PRKCA: variants seen among roughly 807,000 people sequenced by gnomAD.
The protein encoded by PRKCA is protein kinase C alpha.
Under a neutral mutation model 87.0 loss-of-function variants are expected in PRKCA, and 27 were observed. The ratio of observed to expected loss-of-function variants is 0.31; its 90% CI spans 0.23 to 0.43. PRKCA has a LOEUF of 0.43. PRKCA is among the 20% of genes least tolerant of loss of function. The pLI is 1.00. For missense variants in PRKCA, 518 were observed against 852.3 expected, an observed-to-expected ratio of 0.61 and a Z score of 4.88; for synonymous variants, 329 against 311.1, an observed-to-expected ratio of 1.06 and a Z score of -0.61.
intron 11 of PRKCA, 55 bp from the exon 12 acceptor site, chr17:66,741,604 T>C (rs1974160221): frequency 6.4e-7 from 1 of 1,554,696 alleles, no homozygotes; most frequent in South Asian, 1.1e-5. Flanking sequence ...GAATGTAAAG[T>C]ATACAGGCAT....
In PRKCA at chr17:66,366,872, G is replaced by A. The variant is rs144187842; in HGVS notation, c.205+60745G>A. ...TTCCAAAATCAGTCTTTTAAAAAAA[G>A]CACTTCATAGTGAGCAAATTTTAAA... On this transcript the variant is annotated intron_variant, in intron 2 of 16. Transcript: ENST00000413366. 4.3e-3 allele frequency among the ~76,000 whole-genome samples: 659 copies of A among 152,266 alleles called. 4 individuals are homozygous for A. Among genetic ancestry groups the A allele is most frequent in the African/African-American group, 0.015 (622 of 41,558 alleles).
chr17:66,325,530 AT>A (rs1321721630), intron 2 of PRKCA, among the ~76,000 whole-genome samples: 2 of 152,196 alleles, frequency 1.3e-5, no homozygotes, highest in African/African-American at 4.8e-5. Context: ...AGGAACCATA[AT>A]TAAGGGTGAA....
At chr17:66,593,210 A>C (rs1397737377) in intron 3 of PRKCA, among the ~76,000 whole-genome samples, 1 of 152,246 alleles carries the variant, frequency 6.6e-6, no homozygotes, top group Non-Finnish European at 1.5e-5. Flanking sequence ...GGCTAAGGAA[A>C]GAGAGAAGTC....
chr17:66,587,425 A>G (rs1969629182), intron 3 of PRKCA, among the ~76,000 whole-genome samples: 1 of 152,046 alleles, frequency 6.6e-6, no homozygotes. Flanking sequence ...TTTCTGTCCA[A>G]CCTGATAGAT....
chr17:66,656,494 C>T (rs971734570), intron 5 of PRKCA, among the ~76,000 whole-genome samples: 1 of 150,770 alleles, frequency 6.6e-6, no homozygotes, highest in African/African-American at 2.4e-5. Context: ...CATTTAAGCA[C>T]AAGATTAATT....
intron 2 of PRKCA, among the ~76,000 whole-genome samples, chr17:66,410,276 T>TATG (rs1250196633): frequency 6.6e-6 from 1 of 152,118 alleles, no homozygotes; most frequent in East Asian, 1.9e-4. Flanking sequence ...TTCCTATTTA[T>TATG]ATGAGGAATA....
At chr17:66,787,501 C>T (rs941562011) in intron 15 of PRKCA, among the ~76,000 whole-genome samples, 2 of 152,184 alleles carry the variant, frequency 1.3e-5, no homozygotes, top group African/African-American at 4.8e-5. Flanking sequence ...AAAGTATGTG[C>T]TCTCGTCTCC....
intron 3 of PRKCA, among the ~76,000 whole-genome samples, chr17:66,604,870 G>A (rs368300940): frequency 2.0e-5 from 3 of 152,018 alleles, no homozygotes; most frequent in East Asian, 3.9e-4. Flanking sequence ...TGGACTTGGG[G>A]GTGCGTTGCC....
At chr17:66,658,229 C>G (rs1001800169) in intron 5 of PRKCA, among the ~76,000 whole-genome samples, 2 of 152,246 alleles carry the variant, frequency 1.3e-5, no homozygotes, top group East Asian at 3.9e-4. Context: ...CCTGTAATCC[C>G]AGCACTTTGG....
chr17:66,508,523 C>T (rs1013251825), intron 3 of PRKCA, among the ~76,000 whole-genome samples: 2 of 152,188 alleles, frequency 1.3e-5, no homozygotes, highest in Admixed American at 1.3e-4. Context: ...CTTGCCTATT[C>T]TCCGTGCATC....
Position 66,461,310 on chromosome 17 carries a change from G to A in PRKCA, c.206-34891G>A, listed in dbSNP as rs188421820. On this transcript the variant is annotated intron_variant, in intron 2 of 16. Coordinates refer to ENST00000413366, the MANE Select transcript of PRKCA (RefSeq NM_002737.3). ...CAAGTTGCTAACATGTTATCTGTATGTAAAAAAACCTGTTCTTCTAACCAG... is the reference window on the plus strand; with the variant it reads ...CAAGTTGCTAACATGTTATCTGTATATAAAAAAACCTGTTCTTCTAACCAG... Among the ~76,000 whole-genome samples the A allele has an allele frequency of 2.5e-3, 377 of 151,650 alleles. 1 individual carries two copies. The highest frequency in any genetic ancestry group is 3.9e-3 in the Non-Finnish European group (266 of 67,944).
intron 2 of PRKCA, among the ~76,000 whole-genome samples, chr17:66,331,543 T>C (rs931047981): frequency 5.3e-5 from 8 of 152,308 alleles, no homozygotes; most frequent in Admixed American, 1.3e-4. Context: ...ACCGGGACTC[T>C]CCTCTGCACA....
chr17:66,544,976 C>T (rs1033658774), intron 3 of PRKCA, among the ~76,000 whole-genome samples: 1 of 152,190 alleles, frequency 6.6e-6, no homozygotes, highest in African/African-American at 2.4e-5. Flanking sequence ...TTTTACAGAT[C>T]ACGAAATGAT....
At chr17:66,713,274 A>AG (rs1291881881) in intron 8 of PRKCA, among the ~76,000 whole-genome samples, 8 of 152,108 alleles carry the variant, frequency 5.3e-5, no homozygotes, top group African/African-American at 1.9e-4. Flanking sequence ...CTGGTCTTGA[A>AG]GTCCTGACCT....
chr17:66,346,003 T>C (rs1907335454), intron 2 of PRKCA, among the ~76,000 whole-genome samples: 1 of 152,174 alleles, frequency 6.6e-6, no homozygotes, highest in Admixed American at 6.5e-5. Flanking sequence ...GTTGCTGATA[T>C]TTCTAGCATC....
intron 3 of PRKCA, among the ~76,000 whole-genome samples, chr17:66,558,901 A>G (rs903652942): frequency 6.6e-6 from 1 of 152,164 alleles, no homozygotes; most frequent in Admixed American, 6.5e-5. Context: ...CGGACCGGGC[A>G]TGCTTCTCAG....
intron 2 of PRKCA, among the ~76,000 whole-genome samples, chr17:66,440,417 C>A (rs1029966799): frequency 6.6e-6 from 1 of 152,180 alleles, no homozygotes; most frequent in African/African-American, 2.4e-5. Flanking sequence ...TTCGGGAAGT[C>A]AGCACATGTC....
intron 2 of PRKCA, among the ~76,000 whole-genome samples, chr17:66,340,635 A>AT (rs1478211412): frequency 6.6e-6 from 1 of 152,134 alleles, no homozygotes; most frequent in Non-Finnish European, 1.5e-5. Flanking sequence ...GAGCCTATGT[A>AT]TTAGAATATT....
chr17:66,721,535 AG>A lies in PRKCA; in HGVS notation c.919-11151del, dbSNP rs569061783. 1.2e-4 allele frequency among the ~76,000 whole-genome samples: 18 copies of A among 152,212 alleles called. No homozygotes were observed. The East Asian group carries it at 3.3e-3, about 28-fold the overall frequency. On this transcript the variant is annotated intron_variant, in intron 8 of 16. Transcript: ENST00000413366. ...TTCATGAGTTTTCTGGGAAAGGGGC[AG>A]GCAATTCCCAGCACTGAGGGGTCCT... is the stretch of plus-strand genomic sequence containing the variant.
Sources: allele counts gnomAD v4.1 joint callset (sites outside exome capture counted in the v4.1 genomes callset), GRCh38; gene constraint gnomAD v4.1.1; transcripts MANE v1.5; gene names NCBI Gene and HGNC (gene_info 2026-07-23, HGNC 2026-07-21).